Variants in SIDT2 observed in about 807,000 individuals in gnomAD.
The protein encoded by SIDT2 is SID1 transmembrane family member 2.
In SIDT2, 68 loss-of-function variants were observed where a neutral mutation model predicts 114.4. The ratio of observed to expected loss-of-function variants is 0.59; its 90% CI spans 0.49 to 0.73. The LOEUF (loss-of-function observed/expected upper bound fraction) is 0.73, where lower values mean the gene tolerates loss of function less well. Ranked by LOEUF, SIDT2 falls within the 30% of genes least tolerant of loss-of-function variation. SIDT2 has a pLI of 0.00. For missense variants in SIDT2, 918 were observed against 1,097.1 expected, an observed-to-expected ratio of 0.84 and a Z score of 2.31; for synonymous variants, 470 against 438.4, an observed-to-expected ratio of 1.07 and a Z score of -0.90.
At chr11:117,181,616 A>T (rs1243652555) in intron 2 of SIDT2, 79 bp downstream of exon 2, 26 of 1,601,162 alleles carry the variant, frequency 1.6e-5, no homozygotes, top group Non-Finnish European at 1.6e-5. Flanking sequence ...GAGCCCCCCC[A>T]TTTCTCCTCC....
chr11:117,186,080 G>A, intron 8 of SIDT2, 50 bp from the exon 9 acceptor site: 1 of 1,501,206 alleles, frequency 6.7e-7, no homozygotes, highest in Non-Finnish European at 9.3e-7. Flanking sequence ...GCCATGATGG[G>A]AGGTGGTGGA....
rs769690472 is a variant in SIDT2 at position 117,192,410 on chromosome 11, T to C, written c.1981+48T>C. 16 of 1,433,750 alleles carry C rather than the reference T, an allele frequency of 1.1e-5. No individual in the cohort carries two copies. The highest frequency in any genetic ancestry group is 1.3e-5 in the Non-Finnish European group (13 of 1,021,074). 88.8% of individuals were successfully genotyped at this position (1,433,750 alleles called of 1,614,324 possible). ...GCCTGGGGGAGGGGTCTGGGGGGCCTTGGGAACCCGGACGCACGGGAGACG... is the reference window on the plus strand; with the variant it reads ...GCCTGGGGGAGGGGTCTGGGGGGCCCTGGGAACCCGGACGCACGGGAGACG... On this transcript the variant is annotated intron_variant, in intron 20 of 25. Transcript: ENST00000324225. The surrounding 1 kb of genome is among the most constrained non-coding windows in gnomAD (Gnocchi z 5.9).
At position 117,192,295 on chromosome 11, in the gene SIDT2, C is replaced by G. The variant is rs750046410; in HGVS notation, c.1914C>G (p.Ser638=). 1 of 1,612,566 alleles carries G rather than the reference C, an allele frequency of 6.2e-7. No homozygotes were observed. The highest frequency in any genetic ancestry group is 1.3e-5 in the African/African-American group (1 of 74,868). Residue 638 remains serine (S), a synonymous_variant, in exon 20 of 26, where the codon TCC becomes TCG. Transcript: ENST00000324225. The surrounding 1 kb of genome is among the most constrained non-coding windows in gnomAD (Gnocchi z 5.9). ...ACACGGCGTTCTGGATCGTCTTCTC[C>G]ATCATTCACATCATCGCCACCCTGC... ...KGNTAFWIVF[S]IIHIIATLLL...
In SIDT2 at chr11:117,192,107, T is replaced by C; in HGVS notation, c.1872+93T>C. 1 of 1,577,452 alleles carries C rather than the reference T, an allele frequency of 6.3e-7. No homozygotes were observed. Among genetic ancestry groups the C allele is most frequent in the Non-Finnish European group, 8.7e-7 (1 of 1,154,892 alleles). ...TGCACACCCTCCGCCACCTCCTGCA[T>C]GAGAGATTCCTGCTCCTTCCCTGAG... On this transcript the variant is annotated intron_variant, in intron 19 of 25. Transcript: ENST00000324225. This position sits in a 1 kb window ranked among gnomAD's most constrained non-coding sequence, Gnocchi z 5.9.
At chr11:117,183,214 G>A (rs561761652) in intron 6 of SIDT2, among the ~76,000 whole-genome samples, 36 of 151,964 alleles carry the variant, frequency 2.4e-4, no homozygotes, top group African/African-American at 6.8e-4. Context: ...GCATGGTGGC[G>A]CATGCCTGTA....
chr11:117,191,783 G>A (rs1480451119), intron 18 of SIDT2, 95 bp from the exon 19 acceptor site: 33 of 1,522,946 alleles, frequency 2.2e-5, no homozygotes, highest in Non-Finnish European at 2.7e-5. Flanking sequence ...TGGGGCACCA[G>A]GGCTCTCTCT....
rs200541242 is a variant in SIDT2, at chr11:117,193,925, G to A, written c.2284G>A (p.Ala762Thr). ...TTGCACCTCCGTGGTCTGGGGCTTC[G>A]CGCTCTTCTTCTTCTTCCAGGGACT... ...IVCTSVVWGF[A>T]LFFFFQGLST... Residue 762 changes from alanine (A) to threonine (T), a missense_variant, in exon 24 of 26, where the codon GCG (alanine) becomes ACG (threonine). This residue lies in a region of SIDT2 where 275 missense variants were observed against 397.6 expected (regional missense o/e 0.69). Transcript: ENST00000324225. 1.9e-6 allele frequency: 3 copies of A among 1,613,942 alleles called. No homozygotes were observed. Among genetic ancestry groups the A allele is most frequent in the Non-Finnish European group, 1.7e-6 (2 of 1,180,030 alleles).
rs1250240977 is a variant in SIDT2 at position 117,179,072 on chromosome 11, C to T, written c.-192C>T. The T allele has an allele frequency of 1.1e-4, 71 of 629,354 alleles. No homozygotes were observed. In the East Asian group the frequency reaches 1.9e-3, roughly 17 times the overall value. 39.0% of individuals were successfully genotyped at this position (629,354 alleles called of 1,614,324 possible). A position where few individuals can be genotyped will look rare whatever the true frequency, so the allele number is the denominator to read the frequency against. On this transcript the variant is annotated 5_prime_UTR_variant, in exon 1 of 26. Transcript: ENST00000324225. ...CGCCCCCTCCCGGCCGCCCCCTCCC[C>T]TGCGGGGACCCTGGGAGCCTCTTCG...
intron 6 of SIDT2, among the ~76,000 whole-genome samples, chr11:117,183,309 C>T (rs1047171442): frequency 3.9e-5 from 6 of 152,032 alleles, no homozygotes; most frequent in Non-Finnish European, 1.5e-5. Context: ...CACACCACTG[C>T]ACTCCAGCCT....
Position 117,193,973 on chromosome 11 carries a change from C to T in SIDT2, c.2322+10C>T. On this transcript the variant is annotated intron_variant, in intron 24 of 25. Transcript: ENST00000324225. Reference sequence around the variant, plus strand: ...ACTCAGCACCTGGCAGGTGAGCACTCACCCTCAGGCTCCTTGTGAGCCAAC... The same window carrying T: ...ACTCAGCACCTGGCAGGTGAGCACTTACCCTCAGGCTCCTTGTGAGCCAAC... The T allele has an allele frequency of 1.9e-6, 3 of 1,606,640 alleles. No individual in the cohort carries two copies. The highest frequency in any genetic ancestry group is 2.6e-6 in the Non-Finnish European group (3 of 1,173,356).
At chr11:117,181,364 C>T in intron 1 of SIDT2, 52 bp from the exon 2 acceptor site, 1 of 1,609,398 alleles carries the variant, frequency 6.2e-7, no homozygotes, top group Non-Finnish European at 8.5e-7. Flanking sequence ...TCTCTGGAGC[C>T]ACGTGTCCCT....
chr11:117,190,600 T>C lies in SIDT2; in HGVS notation c.1618-23T>C. 1 of 1,545,084 alleles carries C rather than the reference T, an allele frequency of 6.5e-7. No homozygotes were observed. Among genetic ancestry groups the C allele is most frequent in the East Asian group, 2.4e-5 (1 of 42,200 alleles). ...TTCCTGCCTCACTTCCTCCCTCCCT[T>C]CCCTTCTCTCTCTCCCCAACAGGAA... is the stretch of plus-strand genomic sequence containing the variant. On this transcript the variant is annotated intron_variant, in intron 17 of 25. Coordinates refer to ENST00000324225, the MANE Select transcript of SIDT2 (RefSeq NM_001040455.2). The surrounding 1 kb of genome is among the most constrained non-coding windows in gnomAD (Gnocchi z 4.1).
chr11:117,192,108 G>C lies in SIDT2; in HGVS notation c.1872+94G>C, dbSNP rs2030724232. The C allele has an allele frequency of 6.3e-7, 1 of 1,581,096 alleles. No individual in the cohort carries two copies. Among genetic ancestry groups the C allele is most frequent in the African/African-American group, 1.3e-5 (1 of 74,256 alleles). On this transcript the variant is annotated intron_variant, in intron 19 of 25. Transcript: ENST00000324225. The surrounding 1 kb of genome is among the most constrained non-coding windows in gnomAD (Gnocchi z 5.9). ...GCACACCCTCCGCCACCTCCTGCAT[G>C]AGAGATTCCTGCTCCTTCCCTGAGA...
Position 117,189,298 on chromosome 11 carries a change from G to A in SIDT2, c.1353-37G>A, listed in dbSNP as rs776587283. Reference sequence around the variant, plus strand: ...GTTGGTGGGTGTGTGGCAGCCTTGGGTGCCACCCACCTCACTGCCGCCCTC... The same window carrying A: ...GTTGGTGGGTGTGTGGCAGCCTTGGATGCCACCCACCTCACTGCCGCCCTC... On this transcript the variant is annotated intron_variant, in intron 14 of 25. Transcript: ENST00000324225. The A allele has an allele frequency of 5.0e-6, 8 of 1,613,258 alleles. No individual in the cohort carries two copies. In the South Asian group the frequency reaches 6.6e-5, roughly 13 times the overall value.
Position 117,191,921 on chromosome 11 carries a change from G to A in SIDT2, c.1779G>A (p.Lys593=), listed in dbSNP as rs2030716124. The change falls in exon 19 of 26, where the codon AAG becomes AAA. Residue 593 remains lysine (K), a synonymous_variant. Transcript: ENST00000324225. ...TGATCGCCGGACTCTGCATGCTGAA[G>A]CTCTACCAGAAGCGGCACCCGGACA... ...MYMIAGLCML[K]LYQKRHPDIN... 1.2e-6 allele frequency: 2 copies of A among 1,614,022 alleles called. No homozygotes were observed. Among genetic ancestry groups the A allele is most frequent in the Admixed American group, 3.3e-5 (2 of 59,994 alleles).
chr11:117,187,084 C>G, intron 10 of SIDT2: 10 of 1,446,016 alleles, frequency 6.9e-6, no homozygotes, highest in Non-Finnish European at 9.2e-6. Flanking sequence ...CTGGAGGGCT[C>G]GTGGGCGGGC....
rs2030157944 is a variant in SIDT2, at chr11:117,179,204, C to T, written c.-60C>T. Reference sequence around the variant, plus strand: ...CAGCCGCAACCCGTCCCGGAGGTGTCCTGTCTCCTGTCGCCGCCGCCGCCG... The same window carrying T: ...CAGCCGCAACCCGTCCCGGAGGTGTTCTGTCTCCTGTCGCCGCCGCCGCCG... On this transcript the variant is annotated 5_prime_UTR_variant, in exon 1 of 26. Coordinates refer to ENST00000324225, the MANE Select transcript of SIDT2 (RefSeq NM_001040455.2). 4 of 1,550,058 alleles carry T rather than the reference C, an allele frequency of 2.6e-6. No individual in the cohort carries two copies. Among genetic ancestry groups the T allele is most frequent in the East Asian group, 2.2e-5 (1 of 44,448 alleles).
Position 117,191,948 on chromosome 11 carries a change from C to T in SIDT2, c.1806C>T (p.Ile602=). 6.2e-7 allele frequency: 1 copy of T among 1,614,186 alleles called. No homozygotes were observed. Among genetic ancestry groups the T allele is most frequent in the Non-Finnish European group, 8.5e-7 (1 of 1,180,044 alleles). ...TCTACCAGAAGCGGCACCCGGACATCAACGCCAGCGCCTACAGTGCCTACG... is the reference window on the plus strand; with the variant it reads ...TCTACCAGAAGCGGCACCCGGACATTAACGCCAGCGCCTACAGTGCCTACG... ...LKLYQKRHPD[I]NASAYSAYAC... is the part of the protein sequence containing the mutation. The change falls in exon 19 of 26, where the codon ATC becomes ATT. Residue 602 remains isoleucine (I), a synonymous_variant. Transcript: ENST00000324225.
At chr11:117,195,966 C>T (rs367756478) in intron 25 of SIDT2, 38 bp from the exon 26 acceptor site, 11 of 1,614,248 alleles carry the variant, frequency 6.8e-6, no homozygotes, top group Non-Finnish European at 9.3e-6. Flanking sequence ...GTAGCAGCTG[C>T]CTCCTTCTCT....
Sources: allele counts gnomAD v4.1 joint callset (sites outside exome capture counted in the v4.1 genomes callset), GRCh38; gene constraint gnomAD v4.1.1; regional missense constraint gnomAD v4.1.1; non-coding constraint Gnocchi (gnomAD v3.1); transcripts MANE v1.5; gene names NCBI Gene and HGNC (gene_info 2026-07-23, HGNC 2026-07-21).